Variants in CHTF18 observed in about 807,000 individuals in gnomAD.
The protein encoded by CHTF18 is chromosome transmission fidelity protein 18 homolog.
CHTF18 carries 151 observed loss-of-function variants against 113.4 expected under a neutral mutation model. The ratio of observed to expected loss-of-function variants is 1.33; its 90% CI spans 1.17 to 1.52. The LOEUF (loss-of-function observed/expected upper bound fraction) is 1.52. Ranked by LOEUF, CHTF18 falls within the 40% of genes most tolerant of loss-of-function variation. The probability of loss-of-function intolerance (pLI) is 0.00; values close to 1 mark genes in which losing one functional copy is unlikely to be tolerated. For missense variants in CHTF18, 1,982 were observed against 1,381.6 expected (o/e 1.43, Z -6.89); for synonymous variants, 916 against 598.8 (o/e 1.53, Z -7.74).
At chr16:793,372 C>T in intron 14 of CHTF18, 98 bp downstream of exon 14, 17 of 1,455,764 alleles carry the variant, frequency 1.2e-5, no homozygotes, top group Non-Finnish European at 1.5e-5. Flanking sequence ...GAGGCGGGGA[C>T]TCAGTGTCCT....
Position 791,796 on chromosome 16 carries a change from C to T in CHTF18, c.1105-55C>T, listed in dbSNP as rs58147239. Reference sequence around the variant, plus strand: ...ATGTGGCAGTCCCTGGCTGCTAGGCCGGGAGCGTCCTGTAGGTGCGGTGCA... The same window carrying T: ...ATGTGGCAGTCCCTGGCTGCTAGGCTGGGAGCGTCCTGTAGGTGCGGTGCA... On this transcript the variant is annotated intron_variant, in intron 8 of 21. Coordinates refer to ENST00000262315, the MANE Select transcript of CHTF18 (RefSeq NM_022092.3). 9.8e-3 allele frequency: 15,149 copies of T among 1,541,854 alleles called. 875 individuals carry two copies. The African/African-American group carries it at 0.15, about 15-fold the overall frequency.
Position 796,064 on chromosome 16 carries a change from T to C in CHTF18, c.2443T>C (p.Tyr815His). Residue 815 changes from tyrosine to histidine, a missense_variant, in exon 18 of 22, where the codon TAC becomes CAC. Physicochemically the swap from Tyr to His is moderately conservative, Grantham distance 83 (BLOSUM62 2). Transcript: ENST00000262315. The stretch of plus-strand genomic sequence containing the variant: ...GCGCACGCCCGATGGCCAGTACATC[T>C]ACAGGCTGGAGCCGTGAGTCCCCCA... ...QERTPDGQYI[Y>H]RLEPNVEELC... 1 of 1,603,394 alleles carries C rather than the reference T, an allele frequency of 6.2e-7. No individual in the cohort carries two copies. The highest frequency in any genetic ancestry group is 8.5e-7 in the Non-Finnish European group (1 of 1,175,998).
rs749521161 is a variant in CHTF18 at position 796,062 on chromosome 16, TC to T, written c.2442del (p.Tyr815ThrfsTer48). The stretch of plus-strand genomic sequence containing the variant: ...GAGCGCACGCCCGATGGCCAGTACA[TC>T]TACAGGCTGGAGCCGTGAGTCCCCC... Reference protein sequence around the residue: ...RQERTPDGQYIYRLEPNVEEL... With the variant: ...RQERTPDGQYXYRLEPNVEEL... On this transcript the variant is annotated frameshift_variant, in exon 18 of 22. Transcript: ENST00000262315. LOFTEE classifies it high-confidence loss of function. 6.2e-7 allele frequency: 1 copy of T among 1,603,862 alleles called. No individual in the cohort carries two copies. Among genetic ancestry groups the T allele is most frequent in the Admixed American group, 1.7e-5 (1 of 59,064 alleles).
intron 4 of CHTF18, chr16:789,975 C>T (rs755048894): frequency 2.8e-5 from 43 of 1,534,940 alleles, no homozygotes; most frequent in Middle Eastern, 1.7e-4. Context: ...TTCCTCCTTT[C>T]TCCTAAAGCT....
Position 795,132 on chromosome 16 carries a change from G to A in CHTF18, c.1951G>A (p.Gly651Ser). 6.5e-7 allele frequency: 1 copy of A among 1,545,482 alleles called. No homozygotes were observed. Among genetic ancestry groups the A allele is most frequent in the Non-Finnish European group, 8.7e-7 (1 of 1,144,578 alleles). Residue 651 changes from glycine (G) to serine (S), a missense_variant and splice_region_variant, in exon 16 of 22, where the codon GGC (glycine) becomes AGC (serine). By Grantham distance (56) the Gly-to-Ser change is moderately conservative (BLOSUM62 0). Transcript: ENST00000262315. ...CTCAGGGGTTGCCGGCCGCCTGCAGGGCTTGTTTGACAACTTCCTGCGTCT... is the reference window on the plus strand; with the variant it reads ...CTCAGGGGTTGCCGGCCGCCTGCAGAGCTTGTTTGACAACTTCCTGCGTCT... ...SAGEHEKVVQ[G>S]LFDNFLRLRL...
chr16:797,154 G>T, intron 20 of CHTF18, 62 bp downstream of exon 20: 1 of 1,454,076 alleles, frequency 6.9e-7, no homozygotes, highest in Non-Finnish European at 9.0e-7. Flanking sequence ...TGTGGCTAGG[G>T]CAGTCATGAG....
rs777432617 is a variant in CHTF18, at chr16:796,977, C to T, written c.2618C>T (p.Pro873Leu). ...ENSPQVDGSPPGLEGLLGGIG... is the reference protein window; with the variant it reads ...ENSPQVDGSPLGLEGLLGGIG... ...TCCCTACAGGTGGATGGGAGCCCCC[C>T]AGGGCTCGAGGGTCTGCTGGGGGGC... The change falls in exon 20 of 22, where the codon CCA becomes CTA. Residue 873 changes from proline to leucine, a missense_variant. Pro to Leu is a moderately conservative substitution (Grantham distance 98). Transcript: ENST00000262315. 2.6e-6 allele frequency: 4 copies of T among 1,528,694 alleles called. No homozygotes were observed. Among genetic ancestry groups the T allele is most frequent in the East Asian group, 2.3e-5 (1 of 42,800 alleles). The allele number at this position is 1,528,694 out of a possible 1,614,324, so 94.7% of individuals were successfully genotyped here.
At position 789,637 on chromosome 16, in the gene CHTF18, C is replaced by T. The variant is rs772024711; in HGVS notation, c.528C>T (p.Asp176=). Residue 176 remains aspartate, a synonymous_variant, in exon 4 of 22, where the codon GAC becomes GAT. Transcript: ENST00000262315. ...TGAGGCGGCCCCCCATCTTGGAGGA[C>T]TACGTCCACGTGACATCCACGGAGG... ...PVLRRPPILE[D]YVHVTSTEGV... 1.2e-6 allele frequency: 2 copies of T among 1,607,406 alleles called. No individual in the cohort carries two copies. The highest frequency in any genetic ancestry group is 2.2e-5 in the South Asian group (2 of 91,086).
In CHTF18 at chr16:796,751, C is replaced by T. The variant is rs560047342; in HGVS notation, c.2491C>T (p.Pro831Ser). ...VEELCRFPEL[P>S]ARKPLTYQTK... The stretch of plus-strand genomic sequence containing the variant: ...GGAACTCTGCCGCTTCCCTGAGCTG[C>T]CTGCCCGCAAGCCCCTCACCTACCA... The change falls in exon 19 of 22, where the codon CCT becomes TCT. Residue 831 changes from proline to serine, a missense_variant. Physicochemically the swap from Pro to Ser is moderately conservative, Grantham distance 74. Transcript: ENST00000262315. 13 of 1,606,294 alleles carry T rather than the reference C, an allele frequency of 8.1e-6. No homozygotes were observed. In the Admixed American group the frequency reaches 1.8e-4, roughly 23 times the overall value.
rs1017368311 is a variant in CHTF18, at chr16:795,119, C to G, written c.1951-13C>G. On this transcript the variant is annotated splice_polypyrimidine_tract_variant and intron_variant, in intron 15 of 21. Coordinates refer to ENST00000262315, the MANE Select transcript of CHTF18 (RefSeq NM_022092.3). ...GGGTGGGCAGGAGCTCAGGGGTTGC[C>G]GGCCGCCTGCAGGGCTTGTTTGACA... is the stretch of plus-strand genomic sequence containing the variant. The G allele has an allele frequency of 4.6e-5, 71 of 1,535,856 alleles. No homozygotes were observed. Among genetic ancestry groups the G allele is most frequent in the Non-Finnish European group, 5.8e-5 (66 of 1,139,726 alleles).
intron 7 of CHTF18, 156 bp downstream of exon 7, chr16:790,822 C>G: frequency 7.0e-7 from 1 of 1,433,826 alleles, no homozygotes; most frequent in Non-Finnish European, 9.1e-7. Context: ...GAACTGAGCA[C>G]AGGGCTGTGT....
chr16:790,180 T>A lies in CHTF18; in HGVS notation c.610T>A (p.Ser204Thr), dbSNP rs1371466042. 1 of 1,595,512 alleles carries A rather than the reference T, an allele frequency of 6.3e-7. No individual in the cohort carries two copies. Among genetic ancestry groups the A allele is most frequent in the African/African-American group, 1.3e-5 (1 of 74,616 alleles). Residue 204 changes from serine (S) to threonine (T), a missense_variant, in exon 5 of 22, where the codon TCT becomes ACT. Physicochemically the swap from Ser to Thr is moderately conservative, Grantham distance 58. Transcript: ENST00000262315. ...ADPMAPGVQGSLLHVPWRGGG... is the reference protein window; with the variant it reads ...ADPMAPGVQGTLLHVPWRGGG... ...AATTGTCCTCCCTTCCCCACAGGGC[T>A]CTCTCCTCCACGTCCCATGGCGAGG... is the stretch of plus-strand genomic sequence containing the variant.
At chr16:792,002 T>C in intron 9 of CHTF18, 54 bp downstream of exon 9, 1 of 1,562,600 alleles carries the variant, frequency 6.4e-7, no homozygotes, top group Non-Finnish European at 8.7e-7. Context: ...CGTGTTTGAG[T>C]TCTGGTGGCG....
In CHTF18 at chr16:796,060, C is replaced by T. The variant is rs1276351205; in HGVS notation, c.2439C>T (p.Tyr813=). 3.7e-6 allele frequency: 6 copies of T among 1,603,924 alleles called. No homozygotes were observed. The highest frequency in any genetic ancestry group is 5.1e-6 in the Non-Finnish European group (6 of 1,176,152). Residue 813 remains tyrosine (Y), a synonymous_variant, in exon 18 of 22, where the codon TAC becomes TAT. Transcript: ENST00000262315. ...YRQERTPDGQ[Y]IYRLEPNVEE... is the part of the protein sequence containing the mutation. ...AGGAGCGCACGCCCGATGGCCAGTA[C>T]ATCTACAGGCTGGAGCCGTGAGTCC...
In CHTF18 at chr16:789,634, G is replaced by A. The variant is rs747477643; in HGVS notation, c.525G>A (p.Glu175=). The change falls in exon 4 of 22, where the codon GAG becomes GAA. Residue 175 remains glutamate, a synonymous_variant. Transcript: ENST00000262315. ...TCCTGAGGCGGCCCCCCATCTTGGA[G>A]GACTACGTCCACGTGACATCCACGG... is the stretch of plus-strand genomic sequence containing the variant. ...NPVLRRPPIL[E]DYVHVTSTEG... is the part of the protein sequence containing the mutation. 1.2e-6 allele frequency: 2 copies of A among 1,607,786 alleles called. No individual in the cohort carries two copies. The highest frequency in any genetic ancestry group is 1.7e-6 in the Non-Finnish European group (2 of 1,179,762).
rs768047681 is a variant in CHTF18, at chr16:788,791, C to T, written c.91+16C>T. 2.5e-6 allele frequency: 4 copies of T among 1,582,776 alleles called. No individual in the cohort carries two copies. The highest frequency in any genetic ancestry group is 2.7e-5 in the African/African-American group (2 of 73,660). On this transcript the variant is annotated intron_variant, in intron 1 of 21. Coordinates refer to ENST00000262315, the MANE Select transcript of CHTF18 (RefSeq NM_022092.3). ...GAGCTGGAAGGTGGGGCGCGGCCCCCGGCCGTTGGGGAGGAGCTGCGAAAG... is the reference window on the plus strand; with the variant it reads ...GAGCTGGAAGGTGGGGCGCGGCCCCTGGCCGTTGGGGAGGAGCTGCGAAAG...
intron 8 of CHTF18, 73 bp downstream of exon 8, chr16:791,443 G>T: frequency 6.7e-7 from 1 of 1,488,888 alleles, no homozygotes; most frequent in Non-Finnish European, 8.9e-7. Flanking sequence ...CTTGCAGCCT[G>T]TTGACTTTCT....
At position 794,149 on chromosome 16, in the gene CHTF18, A is replaced by T; in HGVS notation, c.1898A>T (p.Tyr633Phe). 2 of 1,612,354 alleles carry T rather than the reference A, an allele frequency of 1.2e-6. No individual in the cohort carries two copies. The highest frequency in any genetic ancestry group is 8.5e-7 in the Non-Finnish European group (1 of 1,179,722). Reference sequence around the variant, plus strand: ...CTCACCTCCGCCTCACAGCGATTCTACCGTGTCCTGCATGCCGCTGCCTCT... The same window carrying T: ...CTCACCTCCGCCTCACAGCGATTCTTCCGTGTCCTGCATGCCGCTGCCTCT... ...GSLTSASQRF[Y>F]RVLHAAASAG... is the part of the protein sequence containing the mutation. Residue 633 changes from tyrosine to phenylalanine, a missense_variant, in exon 15 of 22, where the codon TAC becomes TTC. Coordinates refer to ENST00000262315, the MANE Select transcript of CHTF18 (RefSeq NM_022092.3).
intron 7 of CHTF18, 142 bp from the exon 8 acceptor site, chr16:791,019 A>C: frequency 6.8e-7 from 1 of 1,472,924 alleles, no homozygotes. Flanking sequence ...CCTTGCGGTC[A>C]CTCGCTGGCA....
Sources: gnomAD v4.1 joint callset for allele counts on GRCh38, gnomAD v4.1.1 for gene constraint, MANE v1.5 for transcripts, NCBI Gene and HGNC (gene_info 2026-07-23, HGNC 2026-07-21) for gene names.